EPS8L2: variants seen among roughly 807,000 people sequenced by gnomAD.
EPS8L2 encodes epidermal growth factor receptor kinase substrate 8-like protein 2.
A neutral mutation model predicts 99.4 loss-of-function variants in EPS8L2; 81 were observed. That is an observed-to-expected ratio of 0.82 (90% CI 0.68 to 0.98). The LOEUF (loss-of-function observed/expected upper bound fraction) is 0.98, where lower values mean the gene tolerates loss of function less well. Ranked by LOEUF, EPS8L2 falls within the 50% of genes least tolerant of loss-of-function variation. The probability of loss-of-function intolerance (pLI) is 0.00; values close to 1 mark genes in which losing one functional copy is unlikely to be tolerated. For missense variants in EPS8L2, 1,155 were observed against 968.8 expected, an observed-to-expected ratio of 1.19 and a Z score of -2.55; for synonymous variants, 509 against 407.3, an observed-to-expected ratio of 1.25 and a Z score of -3.01.
rs370749033 is a variant in EPS8L2, at chr11:722,178, G to C, written c.1059+13G>C. Reference sequence around the variant, plus strand: ...GCCTCTGGACCTGGTGCCTGGGGCCGGGCGGCAGGGGCGCGCAGGGTGGGG... The same window carrying C: ...GCCTCTGGACCTGGTGCCTGGGGCCCGGCGGCAGGGGCGCGCAGGGTGGGG... On this transcript the variant is annotated intron_variant, in intron 12 of 20. Transcript: ENST00000318562. 4.3e-6 allele frequency: 7 copies of C among 1,609,966 alleles called. No homozygotes were observed. The East Asian group carries it at 6.7e-5, about 15-fold the overall frequency.
intron 4 of EPS8L2, among the ~76,000 whole-genome samples, chr11:713,370 T>A (rs1861937626): frequency 6.6e-6 from 1 of 152,318 alleles, no homozygotes; most frequent in Non-Finnish European, 1.5e-5. Flanking sequence ...CCTGCCTTCA[T>A]CACCACAGTT....
At chr11:714,338 T>TC (rs1861963110) in intron 4 of EPS8L2, among the ~76,000 whole-genome samples, 1 of 151,784 alleles carries the variant, frequency 6.6e-6, no homozygotes, top group East Asian at 1.9e-4. Context: ...CAAGCAATTC[T>TC]CCTGCCTCAG....
chr11:722,113 A>G lies in EPS8L2; in HGVS notation c.1007A>G (p.Gln336Arg), dbSNP rs746821396. The G allele has an allele frequency of 6.2e-7, 1 of 1,613,094 alleles. No homozygotes were observed. Reference sequence around the variant, plus strand: ...CAGGCAAAGCTGCAGAAGCACATCCAGAACCCCAGCGCCGCGGAGCTCGTG... The same window carrying G: ...CAGGCAAAGCTGCAGAAGCACATCCGGAACCCCAGCGCCGCGGAGCTCGTG... ...NLLAKLQKHI[Q>R]NPSAAELVHF... The change falls in exon 12 of 21, where the codon CAG (glutamine) becomes CGG (arginine). Residue 336 changes from glutamine (Q) to arginine (R), a missense_variant. Physicochemically the swap from Gln to Arg is conservative, Grantham distance 43 (BLOSUM62 1). Transcript: ENST00000318562.
Position 721,369 on chromosome 11 carries a change from G to T in EPS8L2, c.768+17G>T. On this transcript the variant is annotated intron_variant, in intron 9 of 20. Coordinates refer to ENST00000318562, the MANE Select transcript of EPS8L2 (RefSeq NM_022772.4). ...AAGGAGACGGTGGGTGCCCGGGCCC[G>T]GCAGGTGGCCCCTCTCTTCCCCGCC... is the stretch of plus-strand genomic sequence containing the variant. 1 of 1,539,330 alleles carries T rather than the reference G, an allele frequency of 6.5e-7. No homozygotes were observed.
At chr11:720,426 C>T (rs368090270) in intron 5 of EPS8L2, 171 bp from the exon 6 acceptor site, 3 of 1,193,196 alleles carry the variant, frequency 2.5e-6, no homozygotes, top group Admixed American at 2.3e-5. Context: ...CCGGGGTCAG[C>T]CTTGCGGTAC....
At position 724,939 on chromosome 11, in the gene EPS8L2, G is replaced by A. The variant is rs970713726; in HGVS notation, c.1560+110G>A. 10 of 779,950 alleles carry A rather than the reference G, an allele frequency of 1.3e-5. No homozygotes were observed. Among genetic ancestry groups the A allele is most frequent in the Admixed American group, 2.1e-5 (1 of 48,704 alleles). 48.3% of individuals were successfully genotyped at this position (779,950 alleles called of 1,614,324 possible). On this transcript the variant is annotated intron_variant, in intron 16 of 20. Transcript: ENST00000318562. The surrounding 1 kb of genome is among the most constrained non-coding windows in gnomAD (Gnocchi z 5.5). ...CTAGGGCCAGGCTGGGTGATGCCAGGACGGGGCACAGCTGCTGGCCCCTTT... is the reference window on the plus strand; with the variant it reads ...CTAGGGCCAGGCTGGGTGATGCCAGAACGGGGCACAGCTGCTGGCCCCTTT...
chr11:714,008 G>A (rs1356344172), intron 4 of EPS8L2, among the ~76,000 whole-genome samples: 3 of 152,070 alleles, frequency 2.0e-5, no homozygotes, highest in Non-Finnish European at 2.9e-5. Context: ...CTGGGATGAC[G>A]GACTGAGTCA....
chr11:710,373 G>C (rs751811382), intron 3 of EPS8L2, 49 bp from the exon 4 acceptor site: 7 of 1,577,568 alleles, frequency 4.4e-6, no homozygotes, highest in Non-Finnish European at 6.1e-6. Context: ...CTGGACGGGA[G>C]GCTGTGGGTC....
chr11:708,400 C>T (rs1278358923), intron 1 of EPS8L2, among the ~76,000 whole-genome samples: 2 of 152,190 alleles, frequency 1.3e-5, no homozygotes, highest in Admixed American at 6.5e-5. Context: ...CCAAAATGCT[C>T]GGGGAAGAGG....
intron 4 of EPS8L2, among the ~76,000 whole-genome samples, chr11:718,751 C>T (rs1862080036): frequency 1.3e-5 from 2 of 151,286 alleles, no homozygotes; most frequent in African/African-American, 4.9e-5. Flanking sequence ...TCACTGCAAG[C>T]TCCGCCTCCT....
intron 1 of EPS8L2, among the ~76,000 whole-genome samples, chr11:707,210 C>T (rs1861748691): frequency 1.3e-5 from 2 of 152,134 alleles, no homozygotes; most frequent in African/African-American, 4.8e-5. Flanking sequence ...GCTCTCCCAC[C>T]GGGCCTTCTC....
In EPS8L2 at chr11:722,774, T is replaced by C; in HGVS notation, c.1310T>C (p.Val437Ala). 6.3e-7 allele frequency: 1 copy of C among 1,595,058 alleles called. No individual in the cohort carries two copies. Residue 437 changes from valine (V) to alanine (A), a missense_variant, in exon 14 of 21, where the codon GTG becomes GCG. Physicochemically the swap from Val to Ala is moderately conservative, Grantham distance 64. Transcript: ENST00000318562. ...GTGCTGCAGGAGGCCCCCTGGGAGG[T>C]GGAGGGGCTGGCGTCTGCCCCCATC... ...VDVLQEAPWEVEGLASAPIEE... is the reference protein window; with the variant it reads ...VDVLQEAPWEAEGLASAPIEE...
At chr11:716,800 G>A (rs1214942669) in intron 4 of EPS8L2, among the ~76,000 whole-genome samples, 1 of 152,048 alleles carries the variant, frequency 6.6e-6, no homozygotes, top group Non-Finnish European at 1.5e-5. Context: ...ATTCTGTTAT[G>A]ATCAAAAAAC....
At chr11:710,900 A>T (rs1251156737) in intron 4 of EPS8L2, among the ~76,000 whole-genome samples, 2 of 152,174 alleles carry the variant, frequency 1.3e-5, no homozygotes, top group Non-Finnish European at 1.5e-5. Flanking sequence ...GGCCGGGGAA[A>T]GCGCCCCTCT....
chr11:709,143 G>C (rs1395609542), intron 1 of EPS8L2, 187 bp from the exon 2 acceptor site: 2 of 446,602 alleles, frequency 4.5e-6, no homozygotes, highest in Admixed American at 4.2e-5. Flanking sequence ...GCATGACGAG[G>C]CTGATCGACT....
In EPS8L2 at chr11:727,140, T is replaced by C; in HGVS notation, c.*159T>C. On this transcript the variant is annotated 3_prime_UTR_variant, in exon 21 of 21. Transcript: ENST00000318562. ...TGTCTGGAGGCACAACGCCCATCCT[T>C]AGGCCAAACAGTACCCAAGGCCTCA... is the stretch of plus-strand genomic sequence containing the variant. 1 of 608,312 alleles carries C rather than the reference T, an allele frequency of 1.6e-6. No individual in the cohort carries two copies. The highest frequency in any genetic ancestry group is 1.9e-5 in the African/African-American group (1 of 53,530). 37.7% of individuals were successfully genotyped at this position (608,312 alleles called of 1,614,324 possible).
intron 12 of EPS8L2, 46 bp from the exon 13 acceptor site, chr11:722,355 C>T: frequency 6.3e-7 from 1 of 1,599,658 alleles, no homozygotes; most frequent in Non-Finnish European, 8.5e-7. Context: ...GGTGCTGGGC[C>T]AGGGTCTGTG....
chr11:722,792 C>A lies in EPS8L2; in HGVS notation c.1328C>A (p.Ala443Asp). 2 of 1,581,760 alleles carry A rather than the reference C, an allele frequency of 1.3e-6. No homozygotes were observed. The highest frequency in any genetic ancestry group is 1.7e-6 in the Non-Finnish European group (2 of 1,167,300). ...APWEVEGLASAPIEEVSPVSR... is the reference protein window; with the variant it reads ...APWEVEGLASDPIEEVSPVSR... ...TGGGAGGTGGAGGGGCTGGCGTCTGCCCCCATCGAGGAGGTGAGAGCACCA... is the reference window on the plus strand; with the variant it reads ...TGGGAGGTGGAGGGGCTGGCGTCTGACCCCATCGAGGAGGTGAGAGCACCA... The change falls in exon 14 of 21, where the codon GCC (alanine) becomes GAC (aspartate). Residue 443 changes from alanine (A) to aspartate (D), a missense_variant. Physicochemically the swap from Ala to Asp is moderately radical, Grantham distance 126. Coordinates refer to ENST00000318562, the MANE Select transcript of EPS8L2 (RefSeq NM_022772.4).
rs1862326149 is a variant in EPS8L2, at chr11:726,480, C to T, written c.1930C>T (p.Pro644Ser). Residue 644 changes from proline to serine, a missense_variant, in exon 19 of 21, where the codon CCG (proline) becomes TCG (serine). Pro to Ser is a moderately conservative substitution (Grantham distance 74, BLOSUM62 -1). Coordinates refer to ENST00000318562, the MANE Select transcript of EPS8L2 (RefSeq NM_022772.4). ...RAWLEAKAFS[P>S]RIVENLGILT... ...CTGGCTGGAAGCCAAGGCCTTCAGC[C>T]CGCGGTGAGCGGGGGCGGGGGATGA... 1 of 1,554,206 alleles carries T rather than the reference C, an allele frequency of 6.4e-7. No homozygotes were observed. The highest frequency in any genetic ancestry group is 8.7e-7 in the Non-Finnish European group (1 of 1,150,556).
Sources: allele counts gnomAD v4.1 joint callset (sites outside exome capture counted in the v4.1 genomes callset), GRCh38; gene constraint gnomAD v4.1.1; non-coding constraint Gnocchi (gnomAD v3.1); transcripts MANE v1.5; gene names NCBI Gene and HGNC (gene_info 2026-07-23, HGNC 2026-07-21).